Variants in UHRF2 observed in about 807,000 individuals in gnomAD.
The protein encoded by UHRF2 is E3 ubiquitin-protein ligase UHRF2.
Under a neutral mutation model 96.8 loss-of-function variants are expected in UHRF2, and 23 were observed. The ratio of observed to expected loss-of-function variants is 0.24; its 90% CI spans 0.17 to 0.34. The LOEUF is 0.34. Ranked by LOEUF, UHRF2 falls within the 10% of genes least tolerant of loss-of-function variation. The pLI, the probability that UHRF2 is intolerant of heterozygous loss-of-function variation, is 1.00. For synonymous variants in UHRF2, 385 were observed against 332.6 expected (o/e 1.16, Z -1.72); for missense variants, 685 against 981.5 (o/e 0.70, Z 4.04).
chr9:6,465,487 AG>A (rs1222217407), intron 4 of UHRF2, among the ~76,000 whole-genome samples: 1 of 152,166 alleles, frequency 6.6e-6, no homozygotes, highest in Non-Finnish European at 1.5e-5. Flanking sequence ...TAATGATCAG[AG>A]GACTATTCAT....
chr9:6,475,210 A>C (rs569720799), intron 4 of UHRF2, among the ~76,000 whole-genome samples, 181 bp from the exon 5 acceptor site: 1 of 152,308 alleles, frequency 6.6e-6, no homozygotes, highest in African/African-American at 2.4e-5. Context: ...TATGAATGTT[A>C]ACTAATCACT....
In UHRF2 at chr9:6,468,859, C is replaced by T. The variant is rs1187875056; in HGVS notation, c.864-6532C>T. 5 of 363,518 alleles carry T rather than the reference C, an allele frequency of 1.4e-5. No individual in the cohort carries two copies. In the Admixed American group the frequency reaches 1.5e-4, roughly 11 times the overall value. The allele number at this position is 363,518 out of a possible 1,614,324, so 22.5% of individuals were successfully genotyped here. A position where few individuals can be genotyped will look rare whatever the true frequency, so the allele number is the denominator to read the frequency against. On this transcript the variant is annotated intron_variant, in intron 4 of 15. Coordinates refer to ENST00000276893, the MANE Select transcript of UHRF2 (RefSeq NM_152896.3). ...TAAATCTTACTTAAAGACTGTAAACCAGCCTTGACTCAGCATAGATGCTGA... is the reference window on the plus strand; with the variant it reads ...TAAATCTTACTTAAAGACTGTAAACTAGCCTTGACTCAGCATAGATGCTGA...
chr9:6,491,126 G>A (rs1168135853), intron 9 of UHRF2, among the ~76,000 whole-genome samples: 1 of 152,044 alleles, frequency 6.6e-6, no homozygotes, highest in Non-Finnish European at 1.5e-5. Flanking sequence ...CTTGTATTTT[G>A]GTGACCTCTT....
chr9:6,435,001 T>G (rs1248204476), intron 3 of UHRF2, among the ~76,000 whole-genome samples: 2 of 474 alleles, frequency 4.2e-3, no homozygotes, highest in Admixed American at 0.056. Flanking sequence ...TTTGGCTAGT[T>G]TTTTTTTTTT....
At chr9:6,472,047 A>G (rs187607954) in intron 4 of UHRF2, among the ~76,000 whole-genome samples, 2 of 152,322 alleles carry the variant, frequency 1.3e-5, no homozygotes, top group African/African-American at 2.4e-5. Context: ...TACAGTGAAC[A>G]TTGACAAATG....
intron 9 of UHRF2, among the ~76,000 whole-genome samples, chr9:6,487,447 A>G (rs879346077): frequency 8.6e-5 from 13 of 151,964 alleles, no homozygotes; most frequent in Non-Finnish European, 1.6e-4. Context: ...GCTTACTGCA[A>G]TCTCCTCCTC....
chr9:6,425,243 T>G (rs1376570227), intron 2 of UHRF2, among the ~76,000 whole-genome samples: 1 of 152,240 alleles, frequency 6.6e-6, no homozygotes, highest in Non-Finnish European at 1.5e-5. Context: ...TACATCAGTA[T>G]GAACTCATGA....
At chr9:6,425,880 C>G (rs1820228949) in intron 2 of UHRF2, among the ~76,000 whole-genome samples, 1 of 152,144 alleles carries the variant, frequency 6.6e-6, no homozygotes, top group Non-Finnish European at 1.5e-5. Flanking sequence ...CATATTTGTA[C>G]TAACCTGTGT....
At chr9:6,495,844 C>G (rs1354244436) in intron 10 of UHRF2, 1 of 152,122 alleles carries the variant, frequency 6.6e-6, no homozygotes, top group East Asian at 1.9e-4. Flanking sequence ...TAAAGCATTC[C>G]ATTCAGTGAC....
At chr9:6,468,890 T>G (rs1230839720) in intron 4 of UHRF2, 1 of 352,444 alleles carries the variant, frequency 2.8e-6, no homozygotes, top group African/African-American at 2.1e-5. Context: ...GCTGATTAAA[T>G]GTTAAACCAC....
At chr9:6,465,298 A>G (rs1051971146) in intron 4 of UHRF2, among the ~76,000 whole-genome samples, 2 of 152,198 alleles carry the variant, frequency 1.3e-5, no homozygotes, top group East Asian at 1.9e-4. Flanking sequence ...TAATTTTCCT[A>G]TCTCAGTGTC....
At chr9:6,467,674 G>C (rs1822960694) in intron 4 of UHRF2, among the ~76,000 whole-genome samples, 2 of 144,474 alleles carry the variant, frequency 1.4e-5, no homozygotes, top group South Asian at 4.4e-4. Flanking sequence ...TGGGCTGACA[G>C]AAGTTGAATT....
chr9:6,472,149 T>G lies in UHRF2; in HGVS notation c.864-3242T>G, dbSNP rs1259208613. 2.6e-5 allele frequency among the ~76,000 whole-genome samples: 4 copies of G among 152,324 alleles called. No homozygotes were observed. The East Asian group carries it at 7.7e-4, about 29-fold the overall frequency. On this transcript the variant is annotated intron_variant, in intron 4 of 15. Transcript: ENST00000276893. ...CCATTACAGTTACCGCTACCATCTGTAGCATTGGTCCCAGACCACCACTGA... is the reference window on the plus strand; with the variant it reads ...CCATTACAGTTACCGCTACCATCTGGAGCATTGGTCCCAGACCACCACTGA...
At position 6,413,347 on chromosome 9, in the gene UHRF2, C is replaced by T. The variant is rs1819398771; in HGVS notation, c.-144C>T. 7.5e-6 allele frequency: 6 copies of T among 797,986 alleles called. No homozygotes were observed. The highest frequency in any genetic ancestry group is 5.5e-5 in the East Asian group (1 of 18,152). The allele number at this position is 797,986 out of a possible 1,614,324, so 49.4% of individuals were successfully genotyped here. ...GAGAGTCGTCGCCGCCTGTCGGGCC[C>T]GGCGTCCGGTCGGTCCGGTGGGCGC... On this transcript the variant is annotated 5_prime_UTR_variant, in exon 1 of 16. Coordinates refer to ENST00000276893, the MANE Select transcript of UHRF2 (RefSeq NM_152896.3).
rs1170228632 is a variant in UHRF2 at position 6,506,085 on chromosome 9, G to A, written c.2315G>A (p.Arg772Gln). 2 of 1,614,010 alleles carry A rather than the reference G, an allele frequency of 1.2e-6. No individual in the cohort carries two copies. Among genetic ancestry groups the A allele is most frequent in the Non-Finnish European group, 1.7e-6 (2 of 1,180,044 alleles). Residue 772 changes from arginine to glutamine, a missense_variant, in exon 16 of 16, where the codon CGG becomes CAG. Physicochemically the swap from Arg to Gln is conservative, Grantham distance 43. Coordinates refer to ENST00000276893, the MANE Select transcript of UHRF2 (RefSeq NM_152896.3). ...CAGGTTTTCTCCTGCCCTGCTTGCC[G>A]GCATGATCTTGGCCAGAATTACATC... is the stretch of plus-strand genomic sequence containing the variant. ...KAQVFSCPAC[R>Q]HDLGQNYIMI...
intron 8 of UHRF2, among the ~76,000 whole-genome samples, chr9:6,483,618 C>T (rs1346055823): frequency 1.3e-5 from 2 of 152,156 alleles, no homozygotes; most frequent in African/African-American, 4.8e-5. Flanking sequence ...ATAAAAATGG[C>T]TTGAAAAGCT....
At position 6,477,725 on chromosome 9, in the gene UHRF2, G is replaced by A; in HGVS notation, c.1077G>A (p.Gln359=). Residue 359 remains glutamine, a synonymous_variant, in exon 6 of 16, where the codon CAG becomes CAA. Transcript: ENST00000276893. ...VCGGKHEPNM[Q]LLCDECNVAY... is the part of the protein sequence containing the mutation. ...GTGGGAAACATGAACCCAACATGCA[G>A]CTTCTGTGTGATGAATGTAATGTGG... The A allele has an allele frequency of 6.2e-7, 1 of 1,614,098 alleles. No individual in the cohort carries two copies. Among genetic ancestry groups the A allele is most frequent in the Non-Finnish European group, 8.5e-7 (1 of 1,179,988 alleles).
At chr9:6,468,088 A>C (rs1273346233) in intron 4 of UHRF2, among the ~76,000 whole-genome samples, 1 of 152,160 alleles carries the variant, frequency 6.6e-6, no homozygotes, top group Non-Finnish European at 1.5e-5. Flanking sequence ...GCCTGATTTC[A>C]GTCTAGTTTC....
intron 3 of UHRF2, among the ~76,000 whole-genome samples, chr9:6,446,846 A>T (rs1251127558): frequency 6.6e-6 from 1 of 151,686 alleles, no homozygotes; most frequent in Non-Finnish European, 1.5e-5. Context: ...CTCTGTCTCA[A>T]AAAATAAATA....
Sources: gnomAD v4.1 joint callset for allele counts (sites outside exome capture counted in the v4.1 genomes callset) on GRCh38, gnomAD v4.1.1 for gene constraint, MANE v1.5 for transcripts, NCBI Gene and HGNC (gene_info 2026-07-23, HGNC 2026-07-21) for gene names.